Variants in DDAH1 observed in about 807,000 individuals in gnomAD.
DDAH1 encodes the protein dimethylarginine dimethylaminohydrolase 1.
A neutral mutation model predicts 28.8 loss-of-function variants in DDAH1; 19 were observed. That is an observed-to-expected ratio of 0.66 (90% confidence interval 0.46 to 0.97). The LOEUF (loss-of-function observed/expected upper bound fraction) is 0.97, where lower values mean the gene tolerates loss of function less well. Among genes scored for constraint, DDAH1 ranks in the 50% least tolerant of loss-of-function variants. The probability of loss-of-function intolerance (pLI) is 0.00; values close to 1 mark genes in which losing one functional copy is unlikely to be tolerated. For missense variants in DDAH1, 326 were observed against 375.9 expected, an observed-to-expected ratio of 0.87 and a Z score of 1.10; for synonymous variants, 153 against 154.4, an observed-to-expected ratio of 0.99 and a Z score of 0.07.
intron 2 of DDAH1, among the ~76,000 whole-genome samples, chr1:85,489,723 G>A (rs762484811): frequency 5.3e-5 from 8 of 152,034 alleles, no homozygotes; most frequent in Non-Finnish European, 1.0e-4. Flanking sequence ...GGCAAATCAA[G>A]GTAATGAGGT....
intron 3 of DDAH1, 99 bp from the exon 4 acceptor site, chr1:85,350,633 C>G: frequency 1.5e-6 from 2 of 1,371,630 alleles, no homozygotes; most frequent in Non-Finnish European, 2.0e-6. Context: ...TGAAGGCTGA[C>G]AGGGACCTTG....
At chr1:85,406,631 T>C (rs886337744) in intron 1 of DDAH1, among the ~76,000 whole-genome samples, 15 of 152,200 alleles carry the variant, frequency 9.9e-5, no homozygotes, top group African/African-American at 3.4e-4. Flanking sequence ...CTTTGAAATA[T>C]GTATACATTG....
At chr1:85,484,000 T>C (rs548365472) in intron 2 of DDAH1, among the ~76,000 whole-genome samples, 1 of 152,158 alleles carries the variant, frequency 6.6e-6, no homozygotes, top group Non-Finnish European at 1.5e-5. Flanking sequence ...GAGGGAAATG[T>C]TATAAACCCA....
At chr1:85,577,914 C>G (rs1286234922) in intron 1 of DDAH1, 1 of 953,770 alleles carries the variant, frequency 1.0e-6, no homozygotes, top group African/African-American at 1.8e-5. Context: ...CCTGGGGCAC[C>G]CGTATGGGGA....
At chr1:85,497,068 C>G (rs1656620714) in intron 1 of DDAH1, among the ~76,000 whole-genome samples, 1 of 152,108 alleles carries the variant, frequency 6.6e-6, no homozygotes, top group African/African-American at 2.4e-5. Flanking sequence ...GTTTTGGATA[C>G]CACCAGGATG....
intron 1 of DDAH1, among the ~76,000 whole-genome samples, chr1:85,536,598 C>A (rs542608163): frequency 2.0e-5 from 3 of 147,258 alleles, no homozygotes; most frequent in Admixed American, 6.7e-5. Flanking sequence ...AACAAAAAAA[C>A]ACACACACAA....
intron 1 of DDAH1, among the ~76,000 whole-genome samples, chr1:85,457,322 G>T (rs1387274789): frequency 6.6e-6 from 1 of 151,956 alleles, no homozygotes; most frequent in African/African-American, 2.4e-5. Flanking sequence ...CTCAATAATC[G>T]CTCCTTCTGG....
intron 1 of DDAH1, among the ~76,000 whole-genome samples, chr1:85,531,582 C>T (rs10747321): frequency 0.5 from 74,270 of 149,220 alleles, 20,128 homozygotes; most frequent in Non-Finnish European, 0.59. Context: ...TATTACATTC[C>T]TCACAATGAG....
At chr1:85,393,028 T>C (rs554319718) in intron 1 of DDAH1, among the ~76,000 whole-genome samples, 1 of 152,300 alleles carries the variant, frequency 6.6e-6, no homozygotes, top group Admixed American at 6.5e-5. Context: ...GGCTGATTCC[T>C]AGTATTTGGT....
At chr1:85,368,346 G>C (rs1650185079) in intron 1 of DDAH1, among the ~76,000 whole-genome samples, 1 of 152,126 alleles carries the variant, frequency 6.6e-6, no homozygotes, top group South Asian at 2.1e-4. Flanking sequence ...GAAATAAAAA[G>C]CACTCTGGAC....
chr1:85,558,752 C>T (rs1271234900), intron 1 of DDAH1, among the ~76,000 whole-genome samples: 12 of 152,046 alleles, frequency 7.9e-5, no homozygotes, highest in Admixed American at 7.9e-4. Context: ...GAAAATCATT[C>T]ATAATCTCAT....
At chr1:85,351,703 A>T (rs1198463841) in intron 2 of DDAH1, 124 bp from the exon 3 acceptor site, 1 of 660,058 alleles carries the variant, frequency 1.5e-6, no homozygotes, top group Non-Finnish European at 2.6e-6. Flanking sequence ...GAACAGCTTC[A>T]CTAAAGAGAC....
chr1:85,379,567 C>G (rs1170643247), intron 1 of DDAH1: 1 of 982,492 alleles, frequency 1.0e-6, no homozygotes, highest in East Asian at 1.1e-4. Flanking sequence ...GAAACTGAGG[C>G]ACGGAACACT....
chr1:85,519,578 G>C (rs1325719679), intron 1 of DDAH1, among the ~76,000 whole-genome samples: 1 of 151,212 alleles, frequency 6.6e-6, no homozygotes, highest in African/African-American at 2.4e-5. Flanking sequence ...TTACTTACAC[G>C]GACAAAAAAG....
intron 1 of DDAH1, among the ~76,000 whole-genome samples, chr1:85,386,869 T>C (rs571276925): frequency 2.6e-5 from 4 of 152,334 alleles, no homozygotes; most frequent in African/African-American, 9.6e-5. Context: ...CCTTGCATTC[T>C]GCATGCCTGA....
rs59364112 is a variant in DDAH1 at position 85,406,340 on chromosome 1, AT to A, written c.304-47494del. On this transcript the variant is annotated intron_variant, in intron 1 of 5. Transcript: ENST00000284031. ...ATCTGGATCCAATAAACTTAAAAAT[AT>A]TTTTTTAAGATACATTACATTTGGT... 6.7e-3 allele frequency among the ~76,000 whole-genome samples: 1,017 copies of A among 152,270 alleles called. 10 individuals carry two copies. The highest frequency in any genetic ancestry group is 0.023 in the African/African-American group (963 of 41,546).
At chr1:85,400,265 C>G (rs183729146) in intron 1 of DDAH1, among the ~76,000 whole-genome samples, 1 of 132,742 alleles carries the variant, frequency 7.5e-6, no homozygotes, top group Admixed American at 9.1e-5. Flanking sequence ...AATCTCGACT[C>G]ACTGCAACCT....
intron 2 of DDAH1, among the ~76,000 whole-genome samples, chr1:85,353,933 G>C (rs1001017871): frequency 2.6e-5 from 4 of 151,944 alleles, no homozygotes; most frequent in Non-Finnish European, 5.9e-5. Context: ...GCGTGATGTG[G>C]GCTGATTGAA....
intron 1 of DDAH1, among the ~76,000 whole-genome samples, chr1:85,445,158 T>C (rs969494108): frequency 4.6e-5 from 7 of 152,132 alleles, no homozygotes; most frequent in Non-Finnish European, 1.0e-4. Flanking sequence ...CCCAGCCCAC[T>C]GACTTAAATG....
Sources: gnomAD v4.1 joint callset for allele counts (sites outside exome capture counted in the v4.1 genomes callset) on GRCh38, gnomAD v4.1.1 for gene constraint, MANE v1.5 for transcripts, NCBI Gene and HGNC (gene_info 2026-07-23, HGNC 2026-07-21) for gene names.